Variants in DAB1 observed in about 807,000 individuals in gnomAD.
DAB1 encodes the protein disabled homolog 1.
DAB1 carries 15 observed loss-of-function variants against 64.6 expected under a neutral mutation model. That is an observed-to-expected ratio of 0.23 (90% CI 0.16 to 0.36). The LOEUF (loss-of-function observed/expected upper bound fraction) is 0.36, where lower values mean the gene tolerates loss of function less well. Ranked by LOEUF, DAB1 falls within the 10% of genes least tolerant of loss-of-function variation. The pLI is 1.00. For synonymous variants in DAB1, 235 were observed against 251.9 expected, an observed-to-expected ratio of 0.93 and a Z score of 0.64; for missense variants, 596 against 706.7, an observed-to-expected ratio of 0.84 and a Z score of 1.78.
chr1:58,385,250 C>G (rs1644423571), intron 3 of DAB1, among the ~76,000 whole-genome samples: 1 of 152,100 alleles, frequency 6.6e-6, no homozygotes, highest in Non-Finnish European at 1.5e-5. Flanking sequence ...TTTTTGTATA[C>G]CCATTATGCC....
intron 2 of DAB1, among the ~76,000 whole-genome samples, chr1:57,267,705 G>T (rs1811700): frequency 2.0e-5 from 3 of 151,894 alleles, no homozygotes; most frequent in African/African-American, 7.3e-5. Flanking sequence ...TGCACTACAC[G>T]GTAGGACTGA....
chr1:57,893,772 T>G (rs1056412334), intron 5 of DAB1, among the ~76,000 whole-genome samples: 24 of 152,032 alleles, frequency 1.6e-4, no homozygotes, highest in Admixed American at 3.9e-4. Context: ...TAACTGTCTC[T>G]CTGAAATAAT....
At chr1:58,223,786 G>A (rs534328789) in intron 4 of DAB1, among the ~76,000 whole-genome samples, 7 of 152,280 alleles carry the variant, frequency 4.6e-5, no homozygotes, top group East Asian at 3.9e-4. Flanking sequence ...TAAAGTGCAC[G>A]ATATTACTCT....
intron 9 of DAB1, among the ~76,000 whole-genome samples, chr1:57,038,879 GC>G: frequency 6.6e-6 from 1 of 152,162 alleles, no homozygotes; most frequent in East Asian, 1.9e-4. Flanking sequence ...TTAAGACATT[GC>G]AAGAAACGCA....
At chr1:57,516,484 T>A (rs764588149) in intron 7 of DAB1, among the ~76,000 whole-genome samples, 15 of 152,232 alleles carry the variant, frequency 9.9e-5, no homozygotes, top group Non-Finnish European at 1.9e-4. Context: ...TTCTAAAGCT[T>A]GATCTCTCAC....
At chr1:57,227,816 C>T (rs1388755815) in intron 2 of DAB1, among the ~76,000 whole-genome samples, 1 of 152,114 alleles carries the variant, frequency 6.6e-6, no homozygotes, top group Admixed American at 6.5e-5. Flanking sequence ...CTCGTCCTCC[C>T]AAAGTGCTAG....
In DAB1 at chr1:58,374,625, CT is replaced by C. The variant is rs1418621504; in HGVS notation, n.258-31223del. On this transcript the variant is annotated intron_variant and non_coding_transcript_variant, in intron 3 of 20. Coordinates refer to the DAB1 transcript ENST00000485760. ...AAGTCAGGTAGTGTGATGCCTCCAG[CT>C]TTGTTCTTTTGGCTTAGGATTGACT... Among the ~76,000 whole-genome samples, 465 of 132,032 alleles carry C rather than the reference CT, an allele frequency of 3.5e-3. 2 individuals are homozygous for C. Among genetic ancestry groups the C allele is most frequent in the African/African-American group, 0.013 (458 of 34,808 alleles). 86.6% of individuals were successfully genotyped at this position (132,032 alleles called of 152,430 possible). A position where few individuals can be genotyped will look rare whatever the true frequency, so the allele number is the denominator to read the frequency against.
At chr1:57,744,131 T>A (rs1397239142) in intron 6 of DAB1, among the ~76,000 whole-genome samples, 1 of 152,158 alleles carries the variant, frequency 6.6e-6, no homozygotes, top group Non-Finnish European at 1.5e-5. Context: ...TTGGGGCCAG[T>A]TTATGGCAGG....
chr1:57,234,872 T>G (rs1239249284), intron 2 of DAB1, among the ~76,000 whole-genome samples: 2 of 152,228 alleles, frequency 1.3e-5, no homozygotes. Context: ...AGCCTATTTT[T>G]TCTAAAGTGA....
At chr1:57,457,863 A>G (rs780862018) in intron 7 of DAB1, among the ~76,000 whole-genome samples, 12 of 152,298 alleles carry the variant, frequency 7.9e-5, no homozygotes, top group Non-Finnish European at 1.5e-4. Context: ...CAAGGAGCCA[A>G]TGAGAAGAAT....
intron 6 of DAB1, among the ~76,000 whole-genome samples, chr1:57,685,871 T>C (rs762328462): frequency 2.0e-5 from 3 of 152,132 alleles, no homozygotes; most frequent in Non-Finnish European, 4.4e-5. Context: ...ATGAAGATAA[T>C]GATACAACTT....
chr1:57,955,806 G>A (rs1645378561), intron 5 of DAB1, among the ~76,000 whole-genome samples: 1 of 152,018 alleles, frequency 6.6e-6, no homozygotes, highest in Non-Finnish European at 1.5e-5. Context: ...AAAAAAAAAT[G>A]AGCTAGAAAA....
At chr1:57,973,382 CA>C (rs1272751105) in intron 5 of DAB1, among the ~76,000 whole-genome samples, 1 of 152,154 alleles carries the variant, frequency 6.6e-6, no homozygotes, top group Non-Finnish European at 1.5e-5. Context: ...GCCTCCAGAA[CA>C]ATGAGATAAT....
At chr1:57,810,602 T>C (rs768715326) in intron 6 of DAB1, among the ~76,000 whole-genome samples, 6 of 152,110 alleles carry the variant, frequency 3.9e-5, no homozygotes, top group Non-Finnish European at 7.4e-5. Context: ...TTTCATTTGA[T>C]TAACAACTCA....
In DAB1 at chr1:57,024,187, C is replaced by T. The variant is rs539790214; in HGVS notation, c.787-548G>A. The stretch of plus-strand genomic sequence containing the variant: ...CCTGGTGCCCCCCCGCCACACCCCC[C>T]GTCAGCGCCCCAGATTTTGCCTGAA... On this transcript the variant is annotated intron_variant, in intron 10 of 14. Transcript: ENST00000371236. Among the ~76,000 whole-genome samples, 7 of 152,144 alleles carry T rather than the reference C, an allele frequency of 4.6e-5. No homozygotes were observed. The East Asian group carries it at 5.8e-4, about 13-fold the overall frequency.
chr1:57,904,695 G>T (rs185352459), intron 5 of DAB1, among the ~76,000 whole-genome samples: 1 of 152,238 alleles, frequency 6.6e-6, no homozygotes, highest in African/African-American at 2.4e-5. Flanking sequence ...CCAGGCAGAG[G>T]GAAGAACAAG....
chr1:57,952,270 T>A (rs1042160095), intron 5 of DAB1, among the ~76,000 whole-genome samples: 1 of 152,178 alleles, frequency 6.6e-6, no homozygotes, highest in African/African-American at 2.4e-5. Flanking sequence ...GGGAGTATGA[T>A]GGGGAAGAGT....
chr1:57,744,308 T>C (rs1481976892), intron 6 of DAB1, among the ~76,000 whole-genome samples: 2 of 152,134 alleles, frequency 1.3e-5, no homozygotes, highest in Non-Finnish European at 2.9e-5. Flanking sequence ...GTAGTAGTTA[T>C]GTAGTGTTAT....
At chr1:57,374,545 T>C (rs1680746308) in intron 1 of DAB1, among the ~76,000 whole-genome samples, 1 of 152,172 alleles carries the variant, frequency 6.6e-6, no homozygotes. Flanking sequence ...AAATTTATGG[T>C]TGTATTATTT....
Sources: gnomAD v4.1 joint callset for allele counts (sites outside exome capture counted in the v4.1 genomes callset) on GRCh38, gnomAD v4.1.1 for gene constraint, MANE v1.5 for transcripts, NCBI Gene and HGNC (gene_info 2026-07-23, HGNC 2026-07-21) for gene names.